MCOLN2: variants seen among roughly 807,000 people sequenced by gnomAD.
MCOLN2 encodes the protein mucolipin-2.
In MCOLN2, 57 loss-of-function variants were observed where a neutral mutation model predicts 67.5. The ratio of observed to expected loss-of-function variants is 0.84; its 90% CI spans 0.68 to 1.05. The LOEUF is 1.05. Among genes scored for constraint, MCOLN2 ranks in the 50% least tolerant of loss-of-function variants. MCOLN2 has a pLI of 0.00. For synonymous variants in MCOLN2, 246 were observed against 233.3 expected (o/e 1.05, Z -0.50); for missense variants, 620 against 678.8 (o/e 0.91, Z 0.96).
At chr1:84,987,543 TAG>T (rs1282100792) in intron 1 of MCOLN2, among the ~76,000 whole-genome samples, 29,799 of 69,438 alleles carry the variant, frequency 0.43, 9,588 homozygotes, top group East Asian at 0.65. Flanking sequence ...TATGTATACA[TAG>T]ATGTATACAT....
intron 13 of MCOLN2, among the ~76,000 whole-genome samples, chr1:84,928,354 C>T (rs1239649802): frequency 6.6e-6 from 1 of 152,130 alleles, no homozygotes; most frequent in African/African-American, 2.4e-5. Flanking sequence ...TTGCTCCTTG[C>T]GTCTCACCAC....
Position 84,983,822 on chromosome 1 carries a change from G to A in MCOLN2, c.77+12974C>T, listed in dbSNP as rs79258960. ...CTCCCGAGTAGCTGGGATTACAGGC[G>A]CACGCCTCCACGCTCAGCTAATTTT... is the stretch of plus-strand genomic sequence containing the variant. On this transcript the variant is annotated intron_variant, in intron 1 of 13. Transcript: ENST00000370608. 6.7e-3 allele frequency among the ~76,000 whole-genome samples: 1,010 copies of A among 151,408 alleles called. 27 individuals carry two copies. The East Asian group carries it at 0.085, about 13-fold the overall frequency.
rs114304106 is a variant in MCOLN2, at chr1:84,941,981, G to A, written c.848-990C>T. On this transcript the variant is annotated intron_variant, in intron 7 of 13. Transcript: ENST00000370608. ...ATCCCAGCCCAGCTCTCTTCTGCCT[G>A]ACCCCCACCTTCTTCACCCTACAGC... Among the ~76,000 whole-genome samples the A allele has an allele frequency of 1.6e-3, 241 of 152,230 alleles. 1 individual carries two copies. The highest frequency in any genetic ancestry group is 5.6e-3 in the African/African-American group (232 of 41,532).
chr1:84,962,512 C>T (rs1479372301), intron 2 of MCOLN2, among the ~76,000 whole-genome samples: 7 of 152,130 alleles, frequency 4.6e-5, no homozygotes, highest in Non-Finnish European at 7.4e-5. Context: ...CACTGCACTC[C>T]AGCCTGGGTG....
intron 1 of MCOLN2, among the ~76,000 whole-genome samples, chr1:84,986,774 G>A (rs1487634477): frequency 4.6e-5 from 7 of 152,140 alleles, no homozygotes; most frequent in Middle Eastern, 3.4e-3. Context: ...ACAGACATAC[G>A]AAAAAATGCT....
At chr1:84,990,991 T>C (rs951794428) in intron 1 of MCOLN2, among the ~76,000 whole-genome samples, 6 of 152,106 alleles carry the variant, frequency 3.9e-5, no homozygotes, top group African/African-American at 1.4e-4. Context: ...TCTAGAAGCA[T>C]GTGAGCCAGC....
intron 1 of MCOLN2, among the ~76,000 whole-genome samples, chr1:84,982,552 GA>G (rs1439182524): frequency 1.3e-5 from 2 of 152,208 alleles, no homozygotes; most frequent in Non-Finnish European, 2.9e-5. Flanking sequence ...CGTATTTAGA[GA>G]GGGTAAATGT....
chr1:84,953,668 T>A (rs116586273), intron 4 of MCOLN2, among the ~76,000 whole-genome samples: 6 of 151,558 alleles, frequency 4.0e-5, no homozygotes, highest in African/African-American at 1.5e-4. Flanking sequence ...AGTAAAAAAA[T>A]AGAAAGAAAA....
At chr1:84,996,715 T>C in intron 1 of MCOLN2, 81 bp downstream of exon 1, 2 of 1,248,966 alleles carry the variant, frequency 1.6e-6, no homozygotes, top group Admixed American at 1.8e-5. Flanking sequence ...AAGCAAGCTC[T>C]AGTCTACGAA....
At chr1:84,944,153 GTCC>G (rs1239420031) in intron 7 of MCOLN2, among the ~76,000 whole-genome samples, 2 of 152,120 alleles carry the variant, frequency 1.3e-5, no homozygotes, top group African/African-American at 4.8e-5. Flanking sequence ...ACAGAAACCA[GTCC>G]TCCTAACAGA....
Position 84,939,548 on chromosome 1 carries a change from C to T in MCOLN2, c.1110+5G>A. Reference sequence around the variant, plus strand: ...GAACAGAGACTTTAAATGGGCTTCCCTCACCTTTGCTTTGATTTCCATTTT... The same window carrying T: ...GAACAGAGACTTTAAATGGGCTTCCTTCACCTTTGCTTTGATTTCCATTTT... On this transcript the variant is annotated splice_donor_5th_base_variant and intron_variant, in intron 9 of 13. Transcript: ENST00000370608. 1.9e-6 allele frequency: 3 copies of T among 1,613,720 alleles called. No homozygotes were observed. In the South Asian group the frequency reaches 3.3e-5, roughly 18 times the overall value.
chr1:84,987,293 C>T (rs1343640224), intron 1 of MCOLN2, among the ~76,000 whole-genome samples: 1 of 139,740 alleles, frequency 7.2e-6, no homozygotes, highest in Non-Finnish European at 1.5e-5. Flanking sequence ...ATACATATGC[C>T]ATGTAGATAC....
chr1:84,967,765 G>T (rs934584053), intron 1 of MCOLN2, among the ~76,000 whole-genome samples: 2 of 57,852 alleles, frequency 3.5e-5, no homozygotes, highest in East Asian at 1.0e-3. Context: ...AGGAGAAAAA[G>T]GAGAGAGGGA....
At chr1:84,971,560 A>C (rs1406053901) in intron 1 of MCOLN2, among the ~76,000 whole-genome samples, 1 of 151,616 alleles carries the variant, frequency 6.6e-6, no homozygotes, top group Admixed American at 6.6e-5. Flanking sequence ...TCTTATTGCT[A>C]TAACAAAAAT....
chr1:84,926,303 C>T lies in MCOLN2; in HGVS notation c.*382G>A, dbSNP rs964693346. 1 of 162,184 alleles carries T rather than the reference C, an allele frequency of 6.2e-6. No individual in the cohort carries two copies. Among genetic ancestry groups the T allele is most frequent in the Non-Finnish European group, 1.3e-5 (1 of 74,990 alleles). 10.0% of individuals were successfully genotyped at this position (162,184 alleles called of 1,614,324 possible). The stretch of plus-strand genomic sequence containing the variant: ...AACAAATGTCTTCAAACCCAAGAAT[C>T]ACCTTTAAAACAAATCCTTATTTGA... On this transcript the variant is annotated 3_prime_UTR_variant, in exon 14 of 14. Transcript: ENST00000370608.
intron 1 of MCOLN2, among the ~76,000 whole-genome samples, chr1:84,987,708 T>C (rs945604185): frequency 3.6e-5 from 4 of 112,576 alleles, no homozygotes; most frequent in Admixed American, 9.8e-5. Context: ...ATATAGATTA[T>C]ATATACACCA....
intron 7 of MCOLN2, among the ~76,000 whole-genome samples, chr1:84,946,779 G>A (rs767032473): frequency 1.3e-5 from 2 of 152,168 alleles, no homozygotes; most frequent in African/African-American, 4.8e-5. Flanking sequence ...AACTGGGACC[G>A]AAACCCAGGC....
intron 6 of MCOLN2, among the ~76,000 whole-genome samples, chr1:84,947,696 C>T (rs182124045): frequency 2.6e-5 from 4 of 152,330 alleles, no homozygotes; most frequent in South Asian, 2.1e-4. Context: ...GCACACATTG[C>T]GCACTCTTCA....
At chr1:84,970,493 A>G (rs1649619061) in intron 1 of MCOLN2, among the ~76,000 whole-genome samples, 1 of 151,430 alleles carries the variant, frequency 6.6e-6, no homozygotes, top group South Asian at 2.1e-4. Context: ...AACACGGTGA[A>G]ACCCCATCTC....
Sources: gnomAD v4.1 joint callset for allele counts (sites outside exome capture counted in the v4.1 genomes callset) on GRCh38, gnomAD v4.1.1 for gene constraint, MANE v1.5 for transcripts, NCBI Gene and HGNC (gene_info 2026-07-23, HGNC 2026-07-21) for gene names.